AUTS2: variants seen among roughly 807,000 people sequenced by gnomAD.
The protein encoded by AUTS2 is activator of transcription and developmental regulator AUTS2.
Under a neutral mutation model 112.4 loss-of-function variants are expected in AUTS2, and 17 were observed. The observed-to-expected ratio is 0.15, with a 90% confidence interval of 0.10 to 0.23. The LOEUF is 0.23. Ranked by LOEUF, AUTS2 falls within the 10% of genes least tolerant of loss-of-function variation. The pLI is 1.00. For synonymous variants in AUTS2, 751 were observed against 702.7 expected (o/e 1.07, Z -1.09); for missense variants, 1,510 against 1,701.6 (o/e 0.89, Z 1.98).
At chr7:69,691,705 C>G (rs1042106219) in intron 1 of AUTS2, among the ~76,000 whole-genome samples, 1 of 151,688 alleles carries the variant, frequency 6.6e-6, no homozygotes, top group African/African-American at 2.4e-5. Context: ...TGCAGCTGTG[C>G]CCAGGAGTGC....
At chr7:70,445,709 A>G (rs1796292712) in intron 5 of AUTS2, among the ~76,000 whole-genome samples, 1 of 152,198 alleles carries the variant, frequency 6.6e-6, no homozygotes, top group African/African-American at 2.4e-5. Context: ...AGCATGAACC[A>G]TATTTGGACA....
chr7:70,404,604 G>A (rs1432287189), intron 4 of AUTS2, among the ~76,000 whole-genome samples: 1 of 152,124 alleles, frequency 6.6e-6, no homozygotes, highest in Admixed American at 6.6e-5. Context: ...TTGGACACCT[G>A]GAGTTACTTG....
At chr7:69,822,580 A>G (rs1370268950) in intron 1 of AUTS2, among the ~76,000 whole-genome samples, 1 of 152,220 alleles carries the variant, frequency 6.6e-6, no homozygotes, top group Non-Finnish European at 1.5e-5. Context: ...TGATCTTGGC[A>G]GAAGTGTTGA....
intron 5 of AUTS2, among the ~76,000 whole-genome samples, chr7:70,580,173 A>T (rs1802367947): frequency 6.6e-6 from 1 of 152,152 alleles, no homozygotes; most frequent in Admixed American, 6.5e-5. Context: ...ATTAGAGTGG[A>T]CGTACTAGAC....
chr7:70,047,990 G>A (rs1279842010), intron 2 of AUTS2, among the ~76,000 whole-genome samples: 1 of 152,144 alleles, frequency 6.6e-6, no homozygotes, highest in African/African-American at 2.4e-5. Flanking sequence ...TGGGTCTGCT[G>A]TATGGGAGAG....
chr7:70,456,807 A>T (rs1477601327), intron 5 of AUTS2, among the ~76,000 whole-genome samples: 1 of 152,028 alleles, frequency 6.6e-6, no homozygotes, highest in Non-Finnish European at 1.5e-5. Context: ...GCCACCTTGG[A>T]TGTTGATTTT....
At chr7:70,254,246 A>G (rs1249613337) in intron 4 of AUTS2, among the ~76,000 whole-genome samples, 3 of 152,128 alleles carry the variant, frequency 2.0e-5, no homozygotes, top group African/African-American at 7.2e-5. Context: ...AAAATATTCT[A>G]CTCTAAAAAT....
chr7:70,238,852 TTG>T lies in AUTS2; in HGVS notation c.660+104295_660+104296del, dbSNP rs149007838. Among the ~76,000 whole-genome samples, 7 of 151,228 alleles carry T rather than the reference TTG, an allele frequency of 4.6e-5. No homozygotes were observed. The East Asian group carries it at 5.8e-4, about 13-fold the overall frequency. On this transcript the variant is annotated intron_variant, in intron 4 of 18. Coordinates refer to ENST00000342771, the MANE Select transcript of AUTS2 (RefSeq NM_015570.4). ...GAGATGTGTTTCTGTGTATGTGTGT[TTG>T]TGTGTGTGTGTGTACATGCACTTGT...
At chr7:69,717,165 G>A (rs961178566) in intron 1 of AUTS2, among the ~76,000 whole-genome samples, 5 of 152,144 alleles carry the variant, frequency 3.3e-5, no homozygotes, top group African/African-American at 1.2e-4. Context: ...CTTTGAGGAG[G>A]ACAGATTCAG....
chr7:70,207,350 A>G (rs894071122), intron 4 of AUTS2, among the ~76,000 whole-genome samples: 1 of 152,220 alleles, frequency 6.6e-6, no homozygotes, highest in Non-Finnish European at 1.5e-5. Flanking sequence ...GCAAACCTAG[A>G]CTTGTTTGAA....
At chr7:69,843,705 T>G (rs1287467534) in intron 1 of AUTS2, among the ~76,000 whole-genome samples, 1 of 152,200 alleles carries the variant, frequency 6.6e-6, no homozygotes, top group East Asian at 1.9e-4. Flanking sequence ...TGAGATGTTT[T>G]GTTTACCAGT....
rs529876627 is a variant in AUTS2 at position 69,961,892 on chromosome 7, A to G, written c.522+62394A>G. ...GAGGAAAAAAAATAAGAAAACTCAT[A>G]CAACCTCAAGGAATTCTAAGTATCA... On this transcript the variant is annotated intron_variant, in intron 2 of 18. Coordinates refer to ENST00000342771, the MANE Select transcript of AUTS2 (RefSeq NM_015570.4). Among the ~76,000 whole-genome samples, 13 of 152,276 alleles carry G rather than the reference A, an allele frequency of 8.5e-5. No individual in the cohort carries two copies. In the East Asian group the frequency reaches 1.9e-3, roughly 23 times the overall value.
At chr7:70,320,408 A>G (rs756350829) in intron 4 of AUTS2, among the ~76,000 whole-genome samples, 13 of 152,248 alleles carry the variant, frequency 8.5e-5, no homozygotes, top group Admixed American at 8.5e-4. Flanking sequence ...ATCTTTGTAC[A>G]TACACAGAAG....
intron 2 of AUTS2, among the ~76,000 whole-genome samples, chr7:70,095,278 G>C (rs1297741090): frequency 6.6e-6 from 1 of 152,130 alleles, no homozygotes; most frequent in African/African-American, 2.4e-5. Context: ...GTGTGTGCGT[G>C]CGTGCGCTCA....
intron 1 of AUTS2, among the ~76,000 whole-genome samples, chr7:69,665,522 A>G (rs1451936190): frequency 6.6e-6 from 1 of 152,188 alleles, no homozygotes; most frequent in East Asian, 1.9e-4. Context: ...TTGCACTTAC[A>G]TAGTCAGGAT....
intron 4 of AUTS2, among the ~76,000 whole-genome samples, chr7:70,209,746 G>A (rs948622944): frequency 2.0e-5 from 3 of 151,926 alleles, no homozygotes; most frequent in African/African-American, 7.3e-5. Context: ...TATTAATTGG[G>A]GCTTTATATT....
chr7:70,115,479 AGGT>A (rs1167816653), intron 2 of AUTS2, among the ~76,000 whole-genome samples: 2 of 152,238 alleles, frequency 1.3e-5, no homozygotes, highest in African/African-American at 2.4e-5. Flanking sequence ...TCAGCCATAA[AGGT>A]GTTGATCAAA....
intron 6 of AUTS2, among the ~76,000 whole-genome samples, chr7:70,707,693 A>T (rs1809812897): frequency 6.6e-6 from 1 of 152,142 alleles, no homozygotes; most frequent in South Asian, 2.1e-4. Context: ...GTCAACCATT[A>T]TCCCATCACC....
Position 69,599,830 on chromosome 7 carries a change from TG to T in AUTS2, c.180del (p.Lys61SerfsTer33). 6.2e-7 allele frequency: 1 copy of T among 1,608,872 alleles called. No homozygotes were observed. The highest frequency in any genetic ancestry group is 8.5e-7 in the Non-Finnish European group (1 of 1,177,838). ...SSSGSDKEDN[G>X]KPPSSAPSRP... ...CGTCGGGCTCCGACAAGGAAGACAATGGGAAGCCCCCGTCCTCCGCCCCGTC... is the reference window on the plus strand; with the variant it reads ...CGTCGGGCTCCGACAAGGAAGACAATGGAAGCCCCCGTCCTCCGCCCCGTC... On this transcript the variant is annotated frameshift_variant, in exon 1 of 19. Transcript: ENST00000342771. LOFTEE classifies it high-confidence loss of function. The surrounding 1 kb of genome is among the most constrained non-coding windows in gnomAD (Gnocchi z 7.0).
Sources: allele counts gnomAD v4.1 joint callset (sites outside exome capture counted in the v4.1 genomes callset), GRCh38; gene constraint gnomAD v4.1.1; non-coding constraint Gnocchi (gnomAD v3.1); transcripts MANE v1.5; gene names NCBI Gene and HGNC (gene_info 2026-07-23, HGNC 2026-07-21).